Variants in SPATA25 observed in about 807,000 individuals in gnomAD.
SPATA25 encodes spermatogenesis associated 25.
Under a neutral mutation model 16.0 loss-of-function variants are expected in SPATA25, and 16 were observed. That is an observed-to-expected ratio of 1.00 (90% CI 0.68 to 1.52). SPATA25 has a LOEUF of 1.52. SPATA25 is among the 40% of genes most tolerant of loss of function. The pLI, the probability that SPATA25 is intolerant of heterozygous loss-of-function variation, is 0.00. For missense variants in SPATA25, 285 were observed against 289.2 expected (o/e 0.99, Z 0.11); for synonymous variants, 115 against 118.5 (o/e 0.97, Z 0.19).
At chr20:45,888,847 G>A (rs1986588267), upstream of SPATA25, 3 of 1,613,982 alleles carry the variant, frequency 1.9e-6, no homozygotes, top group South Asian at 2.2e-5. Context: ...TGTATCACTA[G>A]GCGGCACAGA....
chr20:45,889,013 A>T, upstream of SPATA25: 1 of 915,906 alleles, frequency 1.1e-6, no homozygotes, highest in East Asian at 2.7e-5. Flanking sequence ...AGCCTGCTTC[A>T]TGGGGCTGAG....
upstream of SPATA25, chr20:45,890,601 C>G (rs370061686): frequency 2.3e-5 from 37 of 1,612,432 alleles, no homozygotes; most frequent in Admixed American, 8.3e-5. Context: ...GCCGCTGCCT[C>G]CGCCTCCGGG....
At chr20:45,889,998 A>C (rs2145808404), upstream of SPATA25, 9 of 565,044 alleles carry the variant, frequency 1.6e-5, no homozygotes, top group South Asian at 1.9e-4. Context: ...CCCTAGGTGA[A>C]TACAGGAAAC....
upstream of SPATA25, chr20:45,888,827 C>A: frequency 3.1e-6 from 5 of 1,614,140 alleles, no homozygotes; most frequent in South Asian, 4.4e-5. Flanking sequence ...GCCGGTGCAC[C>A]ATGCTCCTTT....
In SPATA25 at chr20:45,886,590, T is replaced by G; in HGVS notation, c.611A>C (p.His204Pro). Residue 204 changes from histidine to proline, a missense_variant, in exon 2 of 2, where the codon CAT becomes CCT. His to Pro is a moderately conservative substitution (Grantham distance 77, BLOSUM62 -2). Coordinates refer to ENST00000372519, the MANE Select transcript of SPATA25 (RefSeq NM_080608.4). ...CATCTTCCCAGAGGCTGTGTGGGCATGTGCCTGCTCCCACCGCGCCCCCTC... is the reference window on the plus strand; with the variant it reads ...CATCTTCCCAGAGGCTGTGTGGGCAGGTGCCTGCTCCCACCGCGCCCCCTC... ...AVEGARWEQA[H>P]AHTASGKMPL... 6.2e-7 allele frequency: 1 copy of G among 1,612,938 alleles called. No individual in the cohort carries two copies. The highest frequency in any genetic ancestry group is 8.5e-7 in the Non-Finnish European group (1 of 1,179,450).
chr20:45,887,270 G>A (rs1057179441), intron 1 of SPATA25, 125 bp from the exon 2 acceptor site: 3 of 1,225,464 alleles, frequency 2.4e-6, no homozygotes, highest in African/African-American at 1.5e-5. Flanking sequence ...CTGTCTAGAG[G>A]TTGGGAACTA....
At chr20:45,890,629 G>A (rs753167327), upstream of SPATA25, 15 of 1,613,136 alleles carry the variant, frequency 9.3e-6, no homozygotes, top group South Asian at 1.6e-4. Context: ...CCCGGGGCAC[G>A]CGGTTGTGGT....
upstream of SPATA25, among the ~76,000 whole-genome samples, chr20:45,888,148 G>T (rs1266675256): frequency 6.6e-6 from 1 of 152,158 alleles, no homozygotes; most frequent in African/African-American, 2.4e-5. Context: ...CTCCCGAGTA[G>T]CTGGGACTAC....
rs1186785387 is a variant in SPATA25, at chr20:45,887,080, A to G, written c.121T>C (p.Ser41Pro). The change falls in exon 2 of 2, where the codon TCT becomes CCT. Residue 41 changes from serine to proline, a missense_variant. Transcript: ENST00000372519. ...TGGCTCAGTGGGCCTGTTCCACCAGAGGCCACCACCACTGGCTCTACAGGA... is the reference window on the plus strand; with the variant it reads ...TGGCTCAGTGGGCCTGTTCCACCAGGGGCCACCACCACTGGCTCTACAGGA... ...CSPVEPVVVASGGTGPLSQKA... is the reference protein window; with the variant it reads ...CSPVEPVVVAPGGTGPLSQKA... 1 of 1,606,636 alleles carries G rather than the reference A, an allele frequency of 6.2e-7. No homozygotes were observed. The highest frequency in any genetic ancestry group is 8.5e-7 in the Non-Finnish European group (1 of 1,179,948).
rs139136543 is a variant in SPATA25, at chr20:45,887,560, G to A, written c.31C>T (p.Pro11Ser). 1,288 of 1,613,712 alleles carry A rather than the reference G, an allele frequency of 8.0e-4. 2 individuals are homozygous for A. Among genetic ancestry groups the A allele is most frequent in the Non-Finnish European group, 1.0e-3 (1,198 of 1,179,838 alleles). Reference sequence around the variant, plus strand: ...CCTTGGCCGGAAGGCAGAGGACCTGGATGAGTTTGTGGAGTCCTGAAGTAG... The same window carrying A: ...CCTTGGCCGGAAGGCAGAGGACCTGAATGAGTTTGTGGAGTCCTGAAGTAG... The part of the protein sequence containing the change: MSYFRTPQTH[P>S]GPLPSGQGGA... Residue 11 changes from proline (P) to serine (S), a missense_variant, in exon 1 of 2, where the codon CCA (proline) becomes TCA (serine). Physicochemically the swap from Pro to Ser is moderately conservative, Grantham distance 74. Coordinates refer to ENST00000372519, the MANE Select transcript of SPATA25 (RefSeq NM_080608.4).
At chr20:45,890,994 C>T (rs539041700), upstream of SPATA25, 23 of 1,485,136 alleles carry the variant, frequency 1.5e-5, no homozygotes, top group East Asian at 5.5e-4. Context: ...GCAGCCATCT[C>T]TCGGCCATAG....
chr20:45,890,392 G>A (rs1471076595), upstream of SPATA25: 2 of 1,612,614 alleles, frequency 1.2e-6, no homozygotes, highest in Non-Finnish European at 1.7e-6. Context: ...TGTCGGCCGT[G>A]CCATCGGGGC....
chr20:45,886,795 GTAGAACCCGTGGT>G lies in SPATA25; in HGVS notation c.393_405del (p.Pro132ArgfsTer24). 4 of 1,613,942 alleles carry G rather than the reference GTAGAACCCGTGGT, an allele frequency of 2.5e-6. No individual in the cohort carries two copies. The South Asian group carries it at 4.4e-5, about 18-fold the overall frequency. On this transcript the variant is annotated frameshift_variant, in exon 2 of 2. Transcript: ENST00000372519. LOFTEE classifies it high-confidence loss of function. ...TTCCCCACTGCCTCAGAGGGTACCG[GTAGAACCCGTGGT>G]GACAGCCCACACAGCATCAGGGGCC... is the stretch of plus-strand genomic sequence containing the variant.
At chr20:45,890,702 G>T (rs763114110), upstream of SPATA25, 2 of 1,613,800 alleles carry the variant, frequency 1.2e-6, no homozygotes, top group Non-Finnish European at 1.7e-6. Flanking sequence ...AGAAAACTCG[G>T]GAACGGGGGC....
At chr20:45,888,458 A>T (rs960444688), upstream of SPATA25, among the ~76,000 whole-genome samples, 1 of 152,196 alleles carries the variant, frequency 6.6e-6, no homozygotes, top group Non-Finnish European at 1.5e-5. Flanking sequence ...CAACAAATCA[A>T]ATACGAATCC....
Position 45,886,631 on chromosome 20 carries a change from C to T in SPATA25, c.570G>A (p.Glu190=). 1 of 1,614,068 alleles carries T rather than the reference C, an allele frequency of 6.2e-7. No individual in the cohort carries two copies. The highest frequency in any genetic ancestry group is 8.5e-7 in the Non-Finnish European group (1 of 1,180,034). The change falls in exon 2 of 2, where the codon GAG becomes GAA. Residue 190 remains glutamate (E), a synonymous_variant. Coordinates refer to ENST00000372519, the MANE Select transcript of SPATA25 (RefSeq NM_080608.4). ...AAQAFMMAHP[E]PEGAVEGARW... is the part of the protein sequence containing the mutation. ...GCGCCCCCTCCACAGCACCCTCTGG[C>T]TCCGGATGGGCCATCATGAAAGCTT...
intron 1 of SPATA25, 117 bp from the exon 2 acceptor site, chr20:45,887,262 G>C: frequency 1.5e-6 from 2 of 1,303,422 alleles, no homozygotes; most frequent in Non-Finnish European, 2.1e-6. Flanking sequence ...CCAGCGGACT[G>C]TCTAGAGGTT....
upstream of SPATA25, chr20:45,890,249 C>T: frequency 6.2e-7 from 1 of 1,613,882 alleles, no homozygotes; most frequent in Non-Finnish European, 8.5e-7. Context: ...GGGATACCTA[C>T]AGCCATACTC....
upstream of SPATA25, chr20:45,890,319 G>C: frequency 6.2e-7 from 1 of 1,613,312 alleles, no homozygotes; most frequent in Non-Finnish European, 8.5e-7. Context: ...GCGTAGAGGG[G>C]CTGCGCAGCT....
Sources: gnomAD v4.1 joint callset for allele counts (sites outside exome capture counted in the v4.1 genomes callset) on GRCh38, gnomAD v4.1.1 for gene constraint, MANE v1.5 for transcripts, NCBI Gene and HGNC (gene_info 2026-07-23, HGNC 2026-07-21) for gene names.